UROC1: variants seen among roughly 807,000 people sequenced by gnomAD.
UROC1 encodes the protein urocanate hydratase.
UROC1 carries 79 observed loss-of-function variants against 89.5 expected under a neutral mutation model. That is an observed-to-expected ratio of 0.88 (90% confidence interval 0.74 to 1.06). UROC1 has a LOEUF of 1.06. Ranked by LOEUF, UROC1 falls within the 50% of genes least tolerant of loss-of-function variation. The pLI, the probability that UROC1 is intolerant of heterozygous loss-of-function variation, is 0.00. For missense variants in UROC1, 885 were observed against 907.8 expected, an observed-to-expected ratio of 0.97 and a Z score of 0.32; for synonymous variants, 361 against 354.8, an observed-to-expected ratio of 1.02 and a Z score of -0.20.
At chr3:126,513,135 GGTGTGTGT>G (rs56301013) in intron 1 of UROC1, among the ~76,000 whole-genome samples, 6 of 147,798 alleles carry the variant, frequency 4.1e-5, no homozygotes, top group African/African-American at 5.0e-5. Flanking sequence ...CACAGAGCAG[GGTGTGTGT>G]GTGTGTGTGT....
rs578064144 is a variant in UROC1 at position 126,510,848 on chromosome 3, C to G, written c.127-54G>C. ...GGGCTGGGACTCCAGGCCCGGTGTT[C>G]TGAGGCCCCGCGATGGGCCATCCTC... On this transcript the variant is annotated intron_variant, in intron 1 of 19. Coordinates refer to ENST00000290868, the MANE Select transcript of UROC1 (RefSeq NM_144639.3). 5.0e-6 allele frequency: 8 copies of G among 1,597,594 alleles called. No individual in the cohort carries two copies. In the South Asian group the frequency reaches 7.7e-5, roughly 15 times the overall value.
chr3:126,517,630 A>C lies in UROC1; in HGVS notation c.90T>G (p.Pro30=), dbSNP rs1464970389. The C allele has an allele frequency of 6.2e-7, 1 of 1,611,878 alleles. No homozygotes were observed. Among genetic ancestry groups the C allele is most frequent in the African/African-American group, 1.3e-5 (1 of 74,912 alleles). ...CAGGGCTGAGGCTGGGGGTCCTGACAGGGGCATGGGGCACCCCAGCCTGGC... is the reference window on the plus strand; with the variant it reads ...CAGGGCTGAGGCTGGGGGTCCTGACCGGGGCATGGGGCACCCCAGCCTGGC... ...RGRQAGVPHA[P]VRTPSLSPVE... is the part of the protein sequence containing the mutation. The change falls in exon 1 of 20, where the codon CCT becomes CCG. Residue 30 remains proline, a synonymous_variant. Transcript: ENST00000290868.
intron 14 of UROC1, among the ~76,000 whole-genome samples, chr3:126,497,213 G>A (rs905797366): frequency 2.6e-5 from 4 of 152,214 alleles, no homozygotes; most frequent in Non-Finnish European, 5.9e-5. Context: ...GGGTGTAAGG[G>A]CCCTAGAGAT....
intron 15 of UROC1, among the ~76,000 whole-genome samples, chr3:126,494,969 G>A (rs1268157501): frequency 3.9e-5 from 6 of 152,124 alleles, no homozygotes; most frequent in Non-Finnish European, 5.9e-5. Context: ...CACCGTCTCC[G>A]CTTTGCAGAT....
chr3:126,501,414 A>T (rs1553807721), intron 9 of UROC1, 134 bp from the exon 10 acceptor site: 1 of 1,065,156 alleles, frequency 9.4e-7, no homozygotes, highest in Non-Finnish European at 1.4e-6. Flanking sequence ...CGTGGGGGCC[A>T]TGGGGCTGGG....
At chr3:126,483,135 C>T (rs773715284) in intron 19 of UROC1, among the ~76,000 whole-genome samples, 7 of 152,222 alleles carry the variant, frequency 4.6e-5, no homozygotes, top group Non-Finnish European at 5.9e-5. Flanking sequence ...TCTGAACTCC[C>T]GCCTTTGCTC....
intron 16 of UROC1, 62 bp from the exon 17 acceptor site, chr3:126,489,437 C>T: frequency 7.0e-7 from 1 of 1,418,824 alleles, no homozygotes; most frequent in Non-Finnish European, 9.9e-7. Flanking sequence ...CTGGTAAAGA[C>T]TGAGGACAAG....
chr3:126,507,762 G>C lies in UROC1; in HGVS notation c.582C>G (p.Leu194=), dbSNP rs892021565. 1.2e-6 allele frequency: 2 copies of C among 1,614,062 alleles called. No individual in the cohort carries two copies. The highest frequency in any genetic ancestry group is 1.7e-5 in the Admixed American group (1 of 60,006). ...NYSSRTEYEK[L]FALGVTMYGQ... ...CTTACATTGTAACCCCCAAGGCAAAGAGCTTCTCATACTCCGTCCGGGAGG... is the reference window on the plus strand; with the variant it reads ...CTTACATTGTAACCCCCAAGGCAAACAGCTTCTCATACTCCGTCCGGGAGG... The change falls in exon 6 of 20, where the codon CTC becomes CTG. Residue 194 remains leucine, a synonymous_variant. Transcript: ENST00000290868.
chr3:126,516,906 G>A (rs998420385), intron 1 of UROC1, among the ~76,000 whole-genome samples: 1 of 151,644 alleles, frequency 6.6e-6, no homozygotes, highest in Non-Finnish European at 1.5e-5. Context: ...CTTCTCTACT[G>A]TTTCTGAAAA....
intron 9 of UROC1, 107 bp from the exon 10 acceptor site, chr3:126,501,387 G>A (rs751805417): frequency 1.2e-4 from 169 of 1,378,272 alleles, no homozygotes; most frequent in Non-Finnish European, 1.7e-4. Flanking sequence ...GAGGCCACCA[G>A]AGGTGTTGTG....
At chr3:126,513,061 G>A (rs1160786889) in intron 1 of UROC1, among the ~76,000 whole-genome samples, 1 of 152,186 alleles carries the variant, frequency 6.6e-6, no homozygotes, top group Admixed American at 6.5e-5. Flanking sequence ...CCAGGCGCAC[G>A]CCTGTCCTGC....
At chr3:126,499,679 G>T (rs545661295) in intron 12 of UROC1, among the ~76,000 whole-genome samples, 1 of 152,360 alleles carries the variant, frequency 6.6e-6, no homozygotes, top group South Asian at 2.1e-4. Flanking sequence ...GGCTGGGGGG[G>T]CTTCCCACTG....
chr3:126,489,860 T>C (rs1935603902), intron 16 of UROC1, among the ~76,000 whole-genome samples: 1 of 152,222 alleles, frequency 6.6e-6, no homozygotes, highest in Non-Finnish European at 1.5e-5. Context: ...GCAACCCCAT[T>C]GTATGTCGAG....
chr3:126,492,625 C>A (rs1454665827), intron 15 of UROC1, 109 bp from the exon 16 acceptor site: 7 of 798,072 alleles, frequency 8.8e-6, no homozygotes, highest in Admixed American at 6.9e-5. Context: ...TGGCCCTTGG[C>A]AGCCTGAGCG....
rs374140811 is a variant in UROC1, at chr3:126,482,477, C to T, written c.1899G>A (p.Arg633=). Residue 633 remains arginine, a synonymous_variant, in exon 20 of 20, where the codon CGG becomes CGA. Transcript: ENST00000290868. ...LSWDVSNGVA[R]RCWSGNQKAY... The stretch of plus-strand genomic sequence containing the variant: ...CCTTCTGGTTCCCTGACCAGCAGCG[C>T]CGGGCCACCTAGGGCAAGGAGGGGG... 12 of 1,613,854 alleles carry T rather than the reference C, an allele frequency of 7.4e-6. No individual in the cohort carries two copies. The African/African-American group carries it at 9.3e-5, about 13-fold the overall frequency.
At chr3:126,511,830 C>A (rs1348523805) in intron 1 of UROC1, among the ~76,000 whole-genome samples, 3 of 152,212 alleles carry the variant, frequency 2.0e-5, no homozygotes. Context: ...ATAAAATTTC[C>A]ATTTGCTAAC....
At chr3:126,497,183 A>G (rs898564337) in intron 14 of UROC1, among the ~76,000 whole-genome samples, 2 of 152,064 alleles carry the variant, frequency 1.3e-5, no homozygotes, top group African/African-American at 4.8e-5. Flanking sequence ...TGCCCAGCCC[A>G]CCGAACATGG....
chr3:126,500,007 G>T (rs754616054), intron 12 of UROC1, 50 bp downstream of exon 12: 2 of 1,564,482 alleles, frequency 1.3e-6, no homozygotes, highest in Non-Finnish European at 1.8e-6. Context: ...CTGAGAGGCT[G>T]GGCCCAGGGT....
chr3:126,482,060 G>GC lies in UROC1; in HGVS notation c.*284dup. 2.0e-6 allele frequency: 1 copy of GC among 490,744 alleles called. No homozygotes were observed. The highest frequency in any genetic ancestry group is 3.7e-6 in the Non-Finnish European group (1 of 269,578). 30.4% of individuals were successfully genotyped at this position (490,744 alleles called of 1,614,324 possible). On this transcript the variant is annotated 3_prime_UTR_variant, in exon 20 of 20. Coordinates refer to ENST00000290868, the MANE Select transcript of UROC1 (RefSeq NM_144639.3). Reference sequence around the variant, plus strand: ...GAGCTTGACCAGTGTTCACCGCAGGGCCCCCGGGCAGGCTTGGGACTTGGC... The same window carrying GC: ...GAGCTTGACCAGTGTTCACCGCAGGGCCCCCCGGGCAGGCTTGGGACTTGGC...
Sources: gnomAD v4.1 joint callset for allele counts (sites outside exome capture counted in the v4.1 genomes callset) on GRCh38, gnomAD v4.1.1 for gene constraint, MANE v1.5 for transcripts, NCBI Gene and HGNC (gene_info 2026-07-23, HGNC 2026-07-21) for gene names.